The following ST6GAL1 variants were observed in gnomAD, a reference collection of about 807,000 sequenced individuals.
ST6GAL1 encodes the protein beta-galactoside alpha-2,6-sialyltransferase 1.
A neutral mutation model predicts 38.0 loss-of-function variants in ST6GAL1; 20 were observed. The ratio of observed to expected loss-of-function variants is 0.53; its 90% CI spans 0.37 to 0.77. The LOEUF (loss-of-function observed/expected upper bound fraction) is 0.77. Ranked by LOEUF, ST6GAL1 falls within the 30% of genes least tolerant of loss-of-function variation. The pLI is 0.00. For synonymous variants in ST6GAL1, 196 were observed against 188.2 expected (o/e 1.04, Z -0.34); for missense variants, 432 against 496.4 (o/e 0.87, Z 1.23).
At chr3:186,966,428 A>T (rs1715118881) in intron 2 of ST6GAL1, among the ~76,000 whole-genome samples, 1 of 152,222 alleles carries the variant, frequency 6.6e-6, no homozygotes, top group East Asian at 1.9e-4. Flanking sequence ...CACAGCTCAT[A>T]AGCAAAAGAG....
At chr3:187,060,707 G>A (rs2108594374) in intron 5 of ST6GAL1, among the ~76,000 whole-genome samples, 1 of 152,314 alleles carries the variant, frequency 6.6e-6, no homozygotes, top group East Asian at 1.9e-4. Context: ...GATGTGAGAA[G>A]TAAAGGGAGA....
intron 2 of ST6GAL1, among the ~76,000 whole-genome samples, chr3:186,984,692 C>T (rs1715807881): frequency 6.6e-6 from 1 of 151,746 alleles, no homozygotes; most frequent in South Asian, 2.1e-4. Flanking sequence ...CAACCCAGTA[C>T]TTCCGATCTC....
chr3:187,005,298 G>A (rs1301580867), intron 2 of ST6GAL1, among the ~76,000 whole-genome samples: 3 of 130,506 alleles, frequency 2.3e-5, no homozygotes, highest in African/African-American at 2.8e-5. Context: ...TTTTTGAGAC[G>A]GAGTCTTCGC....
chr3:187,001,188 C>A (rs987582829), intron 2 of ST6GAL1, among the ~76,000 whole-genome samples: 1 of 152,282 alleles, frequency 6.6e-6, no homozygotes, highest in African/African-American at 2.4e-5. Context: ...GTGTTCCTAC[C>A]CGAACCCTGG....
chr3:187,040,737 T>A (rs1455091337), intron 3 of ST6GAL1, among the ~76,000 whole-genome samples: 1 of 152,208 alleles, frequency 6.6e-6, no homozygotes, highest in Non-Finnish European at 1.5e-5. Context: ...TTGAATTCCT[T>A]AGTTTCTGGT....
intron 2 of ST6GAL1, among the ~76,000 whole-genome samples, chr3:186,967,388 T>C (rs1355104791): frequency 6.6e-6 from 1 of 152,144 alleles, no homozygotes; most frequent in Non-Finnish European, 1.5e-5. Flanking sequence ...GACGGGGTTT[T>C]GCCATGTTGG....
At chr3:187,008,758 T>C (rs1393117394) in intron 2 of ST6GAL1, among the ~76,000 whole-genome samples, 1 of 152,210 alleles carries the variant, frequency 6.6e-6, no homozygotes, top group Non-Finnish European at 1.5e-5. Context: ...ATAAATCTCA[T>C]GACATGGGTA....
intron 1 of ST6GAL1, among the ~76,000 whole-genome samples, chr3:186,946,841 G>A (rs1714388213): frequency 6.6e-6 from 1 of 152,154 alleles, no homozygotes; most frequent in African/African-American, 2.4e-5. Flanking sequence ...AGATACAGAT[G>A]GATGAACACT....
At chr3:186,951,078 A>AT (rs1231235942) in intron 1 of ST6GAL1, among the ~76,000 whole-genome samples, 4 of 151,918 alleles carry the variant, frequency 2.6e-5, no homozygotes, top group South Asian at 2.1e-4. Context: ...TTTTTTGTTT[A>AT]TTTTTTTTGA....
chr3:187,059,646 T>C (rs1259405839), intron 5 of ST6GAL1, among the ~76,000 whole-genome samples: 1 of 152,212 alleles, frequency 6.6e-6, no homozygotes, highest in Non-Finnish European at 1.5e-5. Context: ...AAAGGGAGAA[T>C]AATTCCCTTA....
intron 1 of ST6GAL1, among the ~76,000 whole-genome samples, chr3:186,944,730 C>T (rs546959026): frequency 1.4e-4 from 22 of 152,286 alleles, no homozygotes; most frequent in Non-Finnish European, 2.8e-4. Flanking sequence ...AAAGATAACG[C>T]ACTTAAATCA....
chr3:186,939,156 C>T (rs1484537528), intron 1 of ST6GAL1, among the ~76,000 whole-genome samples: 1 of 150,830 alleles, frequency 6.6e-6, no homozygotes, highest in African/African-American at 2.4e-5. Context: ...TTGCTGCAGT[C>T]TCTGACCTCC....
intron 5 of ST6GAL1, among the ~76,000 whole-genome samples, chr3:187,065,973 G>T (rs2108598325): frequency 6.6e-6 from 1 of 152,222 alleles, no homozygotes; most frequent in Non-Finnish European, 1.5e-5. Flanking sequence ...GGTGGGATTT[G>T]GTTCTAGGTG....
intron 1 of ST6GAL1, among the ~76,000 whole-genome samples, chr3:186,942,868 A>G (rs1224321220): frequency 1.3e-5 from 2 of 152,142 alleles, no homozygotes; most frequent in Admixed American, 1.3e-4. Context: ...ACGCCCAGCT[A>G]ATTTTTGTAT....
At chr3:187,037,730 G>A (rs1028548010) in intron 2 of ST6GAL1, among the ~76,000 whole-genome samples, 7 of 151,790 alleles carry the variant, frequency 4.6e-5, no homozygotes, top group East Asian at 3.9e-4. Context: ...AGGCATGCAC[G>A]CCTGGCTTAT....
intron 2 of ST6GAL1, among the ~76,000 whole-genome samples, chr3:186,984,426 A>G (rs1715795711): frequency 6.6e-6 from 1 of 152,086 alleles, no homozygotes; most frequent in Non-Finnish European, 1.5e-5. Context: ...CAAGACCTCA[A>G]AGGCCCTGCC....
At chr3:186,945,253 C>A (rs558935271) in intron 1 of ST6GAL1, among the ~76,000 whole-genome samples, 1 of 150,748 alleles carries the variant, frequency 6.6e-6, no homozygotes, top group Non-Finnish European at 1.5e-5. Flanking sequence ...CTGCAGTGAG[C>A]TATGATTGTG....
intron 2 of ST6GAL1, chr3:187,025,002 T>C (rs1183620849): frequency 6.6e-6 from 1 of 151,318 alleles, no homozygotes; most frequent in Non-Finnish European, 1.5e-5. Context: ...TGTGTGTGTG[T>C]GTGTGTGTGT....
chr3:186,948,335 C>G (rs1269836619), intron 1 of ST6GAL1, among the ~76,000 whole-genome samples: 1 of 152,160 alleles, frequency 6.6e-6, no homozygotes, highest in Non-Finnish European at 1.5e-5. Context: ...CCAGAAGTAC[C>G]GATGAGGACA....
Sources: gnomAD v4.1 joint callset for allele counts (sites outside exome capture counted in the v4.1 genomes callset) on GRCh38, gnomAD v4.1.1 for gene constraint, MANE v1.5 for transcripts, NCBI Gene and HGNC (gene_info 2026-07-23, HGNC 2026-07-21) for gene names.